CSMD1: variants seen among roughly 807,000 people sequenced by gnomAD.
CSMD1 encodes CUB and Sushi multiple domains 1, also known as CUB and sushi domain-containing protein 1.
Under a neutral mutation model 417.5 loss-of-function variants are expected in CSMD1, and 213 were observed. The ratio of observed to expected loss-of-function variants is 0.51; its 90% CI spans 0.46 to 0.57. The LOEUF (loss-of-function observed/expected upper bound fraction) is 0.57, where lower values mean the gene tolerates loss of function less well. Among genes scored for constraint, CSMD1 ranks in the 20% least tolerant of loss-of-function variants. The pLI, the probability that CSMD1 is intolerant of heterozygous loss-of-function variation, is 0.00. For synonymous variants in CSMD1, 2,862 were observed against 1,736.8 expected (o/e 1.65, Z -16.11); for missense variants, 6,923 against 4,529.7 (o/e 1.53, Z -15.17).
chr8:3,615,510 T>A (rs1446875834), intron 8 of CSMD1, among the ~76,000 whole-genome samples: 1 of 152,212 alleles, frequency 6.6e-6, no homozygotes, highest in African/African-American at 2.4e-5. Context: ...GTGTAATAGT[T>A]AACCTATATC....
At chr8:3,638,462 C>G (rs972120225) in intron 7 of CSMD1, among the ~76,000 whole-genome samples, 2 of 152,012 alleles carry the variant, frequency 1.3e-5, no homozygotes, top group Non-Finnish European at 2.9e-5. Flanking sequence ...AACACTGCCT[C>G]TGAAATTCTG....
At chr8:4,320,516 A>AC (rs1799211286) in intron 3 of CSMD1, among the ~76,000 whole-genome samples, 1 of 148,514 alleles carries the variant, frequency 6.7e-6, no homozygotes, top group African/African-American at 2.5e-5. Context: ...CTAGACCCCC[A>AC]CCCCCCAACA....
At chr8:3,341,874 G>A (rs897987933) in intron 23 of CSMD1, among the ~76,000 whole-genome samples, 1 of 152,130 alleles carries the variant, frequency 6.6e-6, no homozygotes, top group Non-Finnish European at 1.5e-5. Flanking sequence ...AGACATCCAA[G>A]TAAGAAAACA....
intron 1 of CSMD1, among the ~76,000 whole-genome samples, chr8:4,941,740 A>T (rs1212633643): frequency 6.6e-6 from 1 of 152,138 alleles, no homozygotes; most frequent in African/African-American, 2.4e-5. Context: ...TTGGGACCAC[A>T]GGCATGTGCC....
At chr8:3,592,660 G>T (rs550161403) in intron 8 of CSMD1, among the ~76,000 whole-genome samples, 2 of 128,760 alleles carry the variant, frequency 1.6e-5, no homozygotes, top group South Asian at 4.5e-4. Flanking sequence ...GTGTGTTTAC[G>T]TGTGTGTGCA....
chr8:4,410,426 T>A (rs1362189431), intron 3 of CSMD1, among the ~76,000 whole-genome samples: 1 of 152,188 alleles, frequency 6.6e-6, no homozygotes, highest in African/African-American at 2.4e-5. Flanking sequence ...CCTAACACTT[T>A]GCATTTCTAG....
At chr8:3,016,234 T>A (rs563290169) in intron 52 of CSMD1, among the ~76,000 whole-genome samples, 1 of 152,330 alleles carries the variant, frequency 6.6e-6, no homozygotes, top group South Asian at 2.1e-4. Flanking sequence ...TATGGAGGTA[T>A]CCATTTGCTA....
At chr8:3,220,109 C>T (rs1798113889) in intron 28 of CSMD1, among the ~76,000 whole-genome samples, 1 of 145,250 alleles carries the variant, frequency 6.9e-6, no homozygotes, top group African/African-American at 2.5e-5. Flanking sequence ...CACACCACTG[C>T]ACCCATGCAC....
intron 1 of CSMD1, among the ~76,000 whole-genome samples, chr8:4,671,033 CT>C (rs1805289287): frequency 6.6e-6 from 1 of 152,216 alleles, no homozygotes; most frequent in Admixed American, 6.5e-5. Flanking sequence ...GTTTTATCCA[CT>C]AATAATTCTC....
chr8:3,941,305 C>A (rs1810866743), intron 5 of CSMD1, among the ~76,000 whole-genome samples: 1 of 152,102 alleles, frequency 6.6e-6, no homozygotes, highest in African/African-American at 2.4e-5. Context: ...TAACCAGATT[C>A]TCTGGAAACA....
chr8:4,028,273 C>A (rs1200235755), intron 4 of CSMD1, among the ~76,000 whole-genome samples: 1 of 152,136 alleles, frequency 6.6e-6, no homozygotes, highest in Non-Finnish European at 1.5e-5. Context: ...ATACCTTGAG[C>A]AAGTCACTTT....
intron 5 of CSMD1, among the ~76,000 whole-genome samples, chr8:3,775,119 G>C (rs533756415): frequency 3.3e-5 from 5 of 152,314 alleles, no homozygotes; most frequent in Admixed American, 6.5e-5. Flanking sequence ...GACTGCTGTT[G>C]ACCGTAGGTA....
intron 7 of CSMD1, among the ~76,000 whole-genome samples, chr8:3,649,426 G>C (rs970753657): frequency 6.6e-6 from 1 of 152,172 alleles, no homozygotes; most frequent in African/African-American, 2.4e-5. Context: ...AACTGCCTGA[G>C]ACTGGGTAAT....
At chr8:3,602,021 G>C (rs1801385726) in intron 8 of CSMD1, among the ~76,000 whole-genome samples, 1 of 152,138 alleles carries the variant, frequency 6.6e-6, no homozygotes, top group Non-Finnish European at 1.5e-5. Flanking sequence ...GGCTTTATGG[G>C]TATGGAGTTT....
chr8:3,161,799 G>A (rs909207983), intron 38 of CSMD1, among the ~76,000 whole-genome samples: 8 of 152,140 alleles, frequency 5.3e-5, no homozygotes, highest in Non-Finnish European at 1.0e-4. Context: ...ACAGTTTGCA[G>A]GGTAGCAGGT....
chr8:4,129,074 CA>C (rs10538387), intron 3 of CSMD1, among the ~76,000 whole-genome samples: 43,522 of 80,658 alleles, frequency 0.54, 7,938 homozygotes, highest in East Asian at 0.63. Flanking sequence ...GAGTCCAACT[CA>C]AAAAAAAAAA....
intron 3 of CSMD1, among the ~76,000 whole-genome samples, chr8:4,195,333 A>C (rs1470925907): frequency 6.6e-6 from 1 of 152,224 alleles, no homozygotes; most frequent in African/African-American, 2.4e-5. Context: ...TCTATAGAAC[A>C]GGATAAGTTA....
At chr8:3,104,623 G>C (rs1203328593) in intron 46 of CSMD1, among the ~76,000 whole-genome samples, 1 of 151,918 alleles carries the variant, frequency 6.6e-6, no homozygotes, top group Non-Finnish European at 1.5e-5. Flanking sequence ...AGATGTAGAA[G>C]ACTGTTTCTC....
chr8:3,690,988 T>A (rs1800207302), intron 7 of CSMD1, among the ~76,000 whole-genome samples: 1 of 152,102 alleles, frequency 6.6e-6, no homozygotes, highest in African/African-American at 2.4e-5. Flanking sequence ...TGTGTGAGGG[T>A]GGGGAGTGCT....
Sources: gnomAD v4.1 joint callset for allele counts (sites outside exome capture counted in the v4.1 genomes callset) on GRCh38, gnomAD v4.1.1 for gene constraint, MANE v1.5 for transcripts, NCBI Gene and HGNC (gene_info 2026-07-23, HGNC 2026-07-21) for gene names.